Variants in CNTN3 observed in about 807,000 individuals in gnomAD.
CNTN3 encodes contactin 3.
In CNTN3, 60 loss-of-function variants were observed where a neutral mutation model predicts 119.1. The observed-to-expected ratio is 0.50, with a 90% CI of 0.41 to 0.62. CNTN3 has a LOEUF of 0.62. Ranked by LOEUF, CNTN3 falls within the 20% of genes least tolerant of loss-of-function variation. CNTN3 has a pLI of 0.00. For missense variants in CNTN3, 1,101 were observed against 1,242.4 expected (o/e 0.89, Z 1.71); for synonymous variants, 450 against 438.7 (o/e 1.03, Z -0.32).
chr3:74,459,431 C>T (rs765125632), intron 4 of CNTN3, among the ~76,000 whole-genome samples: 8 of 152,008 alleles, frequency 5.3e-5, no homozygotes, highest in Non-Finnish European at 8.8e-5. Flanking sequence ...GCAAAGCTCA[C>T]GCTCCTACTG....
intron 4 of CNTN3, among the ~76,000 whole-genome samples, chr3:74,436,849 C>A (rs1559600778): frequency 2.0e-5 from 3 of 152,046 alleles, no homozygotes; most frequent in African/African-American, 7.2e-5. Context: ...AGTAAAACAG[C>A]AATTGGAAAT....
chr3:74,493,661 G>T (rs902071076), intron 3 of CNTN3, among the ~76,000 whole-genome samples: 8 of 152,232 alleles, frequency 5.3e-5, no homozygotes, highest in Non-Finnish European at 8.8e-5. Flanking sequence ...TGTGGTTTTA[G>T]ATGCAGCTTT....
intron 5 of CNTN3, among the ~76,000 whole-genome samples, chr3:74,418,807 G>A (rs1043360394): frequency 1.3e-5 from 2 of 149,018 alleles, no homozygotes. Flanking sequence ...TTTTTTTTTG[G>A]AGACAGAATC....
At chr3:74,526,242 C>A (rs116443578) in intron 1 of CNTN3, among the ~76,000 whole-genome samples, 6,252 of 151,568 alleles carry the variant, frequency 0.041, 147 homozygotes, top group South Asian at 0.068. Flanking sequence ...AGCAGCTTAC[C>A]GACATTTATT....
intron 1 of CNTN3, among the ~76,000 whole-genome samples, chr3:74,588,489 A>G (rs1199065693): frequency 2.0e-5 from 3 of 152,098 alleles, no homozygotes; most frequent in Non-Finnish European, 4.4e-5. Flanking sequence ...TTCCATGCTC[A>G]TGGGTAGGAA....
intron 1 of CNTN3, among the ~76,000 whole-genome samples, chr3:74,529,205 T>C (rs1703660132): frequency 1.3e-5 from 2 of 152,096 alleles, no homozygotes; most frequent in Middle Eastern, 3.4e-3. Flanking sequence ...TTAAATATTC[T>C]TCAGTGTACA....
intron 5 of CNTN3, among the ~76,000 whole-genome samples, chr3:74,390,353 G>C (rs1704866288): frequency 6.8e-6 from 1 of 147,724 alleles, no homozygotes; most frequent in Admixed American, 6.8e-5. Context: ...TACTTTACCA[G>C]TCTGCTGAGA....
chr3:74,338,469 CAT>C (rs1450082913), intron 11 of CNTN3, among the ~76,000 whole-genome samples: 5 of 148,958 alleles, frequency 3.4e-5, no homozygotes, highest in Admixed American at 6.8e-5. Context: ...TGTGTATACA[CAT>C]ATGTGCGTAT....
intron 4 of CNTN3, among the ~76,000 whole-genome samples, chr3:74,432,041 T>C (rs992469808): frequency 2.7e-5 from 4 of 148,044 alleles, no homozygotes; most frequent in South Asian, 2.2e-4. Flanking sequence ...TAGTCTTCCA[T>C]ACATAATATC....
intron 2 of CNTN3, among the ~76,000 whole-genome samples, chr3:74,516,540 G>C (rs1703453966): frequency 6.6e-6 from 1 of 150,682 alleles, no homozygotes; most frequent in Non-Finnish European, 1.5e-5. Context: ...TGTGTTAATT[G>C]ACTATTTTAT....
intron 19 of CNTN3, among the ~76,000 whole-genome samples, chr3:74,294,073 G>C (rs1702285872): frequency 6.6e-6 from 1 of 152,152 alleles, no homozygotes. Flanking sequence ...AGGTGTGTTG[G>C]CAAGTGGAGG....
intron 1 of CNTN3, among the ~76,000 whole-genome samples, chr3:74,533,805 T>C (rs1385679810): frequency 2.0e-5 from 3 of 152,026 alleles, no homozygotes; most frequent in African/African-American, 7.2e-5. Context: ...AGATTCTCCA[T>C]TGAGAGTGAC....
At chr3:74,272,267 CAT>C (rs1701792395) in intron 20 of CNTN3, among the ~76,000 whole-genome samples, 1 of 152,198 alleles carries the variant, frequency 6.6e-6, no homozygotes, top group Non-Finnish European at 1.5e-5. Context: ...TCCTGAGCCA[CAT>C]GTGGCTCTCT....
chr3:74,513,126 C>A (rs1199512441), intron 2 of CNTN3, among the ~76,000 whole-genome samples: 1 of 152,128 alleles, frequency 6.6e-6, no homozygotes, highest in Non-Finnish European at 1.5e-5. Context: ...TACTGGGTGA[C>A]ATACTCAGAC....
At chr3:74,433,101 T>C (rs1178638334) in intron 4 of CNTN3, among the ~76,000 whole-genome samples, 4 of 152,158 alleles carry the variant, frequency 2.6e-5, no homozygotes, top group East Asian at 3.9e-4. Context: ...AAATTGCTAC[T>C]GCAGTCAATG....
chr3:74,391,111 G>T (rs1704885899), intron 5 of CNTN3, among the ~76,000 whole-genome samples: 1 of 152,152 alleles, frequency 6.6e-6, no homozygotes. Flanking sequence ...ACCATCTCGA[G>T]ATTTACATGG....
chr3:74,508,970 C>A (rs1234866666), intron 2 of CNTN3, among the ~76,000 whole-genome samples: 11 of 152,122 alleles, frequency 7.2e-5, no homozygotes, highest in East Asian at 5.8e-4. Flanking sequence ...GCCCAAGATA[C>A]AGTAAAGACA....
At chr3:74,402,253 A>G (rs1705216280) in intron 5 of CNTN3, among the ~76,000 whole-genome samples, 1 of 152,156 alleles carries the variant, frequency 6.6e-6, no homozygotes. Flanking sequence ...AAAATATAGG[A>G]GCACTGTTTA....
At position 74,450,862 on chromosome 3, in the gene CNTN3, G is replaced by C. The variant is rs576898636; in HGVS notation, c.359-25922C>G. 2.6e-4 allele frequency among the ~76,000 whole-genome samples: 39 copies of C among 151,876 alleles called. No homozygotes were observed. In the East Asian group the frequency reaches 5.7e-3, roughly 22 times the overall value. On this transcript the variant is annotated intron_variant, in intron 4 of 22. Transcript: ENST00000263665. ...TGAACTCATCATTTTTTATGGCTGC[G>C]TAGTATTCCATGGTGTTATCTGTGC... is the stretch of plus-strand genomic sequence containing the variant.
Sources: gnomAD v4.1 joint callset for allele counts (sites outside exome capture counted in the v4.1 genomes callset) on GRCh38, gnomAD v4.1.1 for gene constraint, MANE v1.5 for transcripts, NCBI Gene and HGNC (gene_info 2026-07-23, HGNC 2026-07-21) for gene names.